MINDY2: variants seen among roughly 807,000 people sequenced by gnomAD.
MINDY2 encodes the protein MINDY lysine 48 deubiquitinase 2.
Under a neutral mutation model 68.2 loss-of-function variants are expected in MINDY2, and 52 were observed. The ratio of observed to expected loss-of-function variants is 0.76; its 90% CI spans 0.61 to 0.96. The LOEUF is 0.96. Among genes scored for constraint, MINDY2 ranks in the 40% least tolerant of loss-of-function variants. The pLI is 0.00. For missense variants in MINDY2, 881 were observed against 773.4 expected, an observed-to-expected ratio of 1.14 and a Z score of -1.65; for synonymous variants, 372 against 303.0, an observed-to-expected ratio of 1.23 and a Z score of -2.36.
At chr15:58,812,233 C>G (rs539052062) in intron 4 of MINDY2, among the ~76,000 whole-genome samples, 47 of 151,482 alleles carry the variant, frequency 3.1e-4, no homozygotes, top group Non-Finnish European at 5.3e-4. Context: ...GTCAGGAGTT[C>G]GAGATCAGTC....
At position 58,861,774 on chromosome 15, in the gene MINDY2, C is replaced by T. The variant is rs1482496655; in HGVS notation, c.*7164C>T. 6.6e-6 allele frequency: 1 copy of T among 152,104 alleles called. No individual in the cohort carries two copies. The highest frequency in any genetic ancestry group is 2.1e-4 in the South Asian group (1 of 4,822). The allele number at this position is 152,104 out of a possible 1,614,324, so 9.4% of individuals were successfully genotyped here. Reference sequence around the variant, plus strand: ...TGTTATTGTACCACAAAGATAGTGTCATTGTTGGGTTAAAATGTTGGCTGT... The same window carrying T: ...TGTTATTGTACCACAAAGATAGTGTTATTGTTGGGTTAAAATGTTGGCTGT... On this transcript the variant is annotated 3_prime_UTR_variant, in exon 9 of 9. Coordinates refer to ENST00000559228, the MANE Select transcript of MINDY2 (RefSeq NM_001040450.3).
chr15:58,786,487 A>G (rs1901510034), intron 1 of MINDY2, among the ~76,000 whole-genome samples: 1 of 152,240 alleles, frequency 6.6e-6, no homozygotes, highest in South Asian at 2.1e-4. Context: ...TTGACAACGC[A>G]TTTGAACAAT....
intron 1 of MINDY2, among the ~76,000 whole-genome samples, chr15:58,774,164 TC>T (rs1432335877): frequency 6.6e-6 from 1 of 152,168 alleles, no homozygotes; most frequent in Non-Finnish European, 1.5e-5. Flanking sequence ...GTGTTTGGGT[TC>T]CCACTGTGCG....
chr15:58,810,378 T>C lies in MINDY2; in HGVS notation c.1112T>C (p.Val371Ala). Residue 371 changes from valine (V) to alanine (A), a missense_variant, in exon 4 of 9, where the codon GTA becomes GCA. Physicochemically the swap from Val to Ala is moderately conservative, Grantham distance 64. Transcript: ENST00000559228. The stretch of plus-strand genomic sequence containing the variant: ...ATTCCTTTGTACCATGGGTGGTTAG[T>C]AGACCCTCAGGTAAGTCGAAGAATT... ...LDIPLYHGWL[V>A]DPQIDDIVKA... 1.9e-6 allele frequency: 3 copies of C among 1,587,056 alleles called. No homozygotes were observed. Among genetic ancestry groups the C allele is most frequent in the Admixed American group, 1.8e-5 (1 of 55,158 alleles).
intron 2 of MINDY2, among the ~76,000 whole-genome samples, chr15:58,798,424 C>T (rs1902426133): frequency 6.6e-6 from 1 of 150,380 alleles, no homozygotes; most frequent in Non-Finnish European, 1.5e-5. Context: ...CACACCCAGA[C>T]CTTTTCTTGC....
At chr15:58,783,271 A>G (rs1476258185) in intron 1 of MINDY2, among the ~76,000 whole-genome samples, 1 of 151,856 alleles carries the variant, frequency 6.6e-6, no homozygotes, top group Non-Finnish European at 1.5e-5. Context: ...TCAATTTTAT[A>G]TTTTCTCAAA....
chr15:58,791,286 C>T (rs1244812279), intron 2 of MINDY2, among the ~76,000 whole-genome samples: 1 of 135,216 alleles, frequency 7.4e-6, no homozygotes, highest in Admixed American at 8.2e-5. Flanking sequence ...TCTGGATCAG[C>T]ACTTTCAATT....
intron 3 of MINDY2, among the ~76,000 whole-genome samples, chr15:58,808,162 A>G (rs1308065269): frequency 6.6e-6 from 1 of 151,876 alleles, no homozygotes; most frequent in East Asian, 1.9e-4. Context: ...AGCTTCCCCC[A>G]CTGTCAACAT....
intron 1 of MINDY2, among the ~76,000 whole-genome samples, chr15:58,773,909 A>C (rs1317906465): frequency 1.3e-5 from 2 of 152,176 alleles, no homozygotes; most frequent in African/African-American, 4.8e-5. Context: ...ATAAGGTTGA[A>C]AAGGTGAACA....
chr15:58,796,046 C>A (rs555169852), intron 2 of MINDY2: 35 of 454,516 alleles, frequency 7.7e-5, no homozygotes, highest in South Asian at 5.3e-4. Context: ...CAAACCGTGT[C>A]ACTGCAGTGA....
At chr15:58,782,540 T>G (rs1280503782) in intron 1 of MINDY2, among the ~76,000 whole-genome samples, 1 of 152,214 alleles carries the variant, frequency 6.6e-6, no homozygotes, top group African/African-American at 2.4e-5. Flanking sequence ...TTTTCAGAGT[T>G]TCCTGAGCCT....
At chr15:58,843,538 G>A (rs1468018886) in intron 6 of MINDY2, among the ~76,000 whole-genome samples, 1 of 152,050 alleles carries the variant, frequency 6.6e-6, no homozygotes, top group East Asian at 1.9e-4. Context: ...AAAAGAACAC[G>A]GAATGAAAAC....
chr15:58,836,465 C>A (rs1404171660), intron 6 of MINDY2, among the ~76,000 whole-genome samples: 2 of 152,076 alleles, frequency 1.3e-5, no homozygotes, highest in African/African-American at 4.8e-5. Context: ...TTGTGTTCTT[C>A]AGGGATCCTA....
intron 1 of MINDY2, among the ~76,000 whole-genome samples, chr15:58,779,530 GT>G (rs1429087561): frequency 6.6e-6 from 1 of 152,140 alleles, no homozygotes; most frequent in Non-Finnish European, 1.5e-5. Context: ...CTCTTTTGAG[GT>G]TTTCCAAGTG....
chr15:58,855,609 T>G lies in MINDY2; in HGVS notation c.*999T>G, dbSNP rs1479629458. 1 of 152,634 alleles carries G rather than the reference T, an allele frequency of 6.6e-6. No individual in the cohort carries two copies. Among genetic ancestry groups the G allele is most frequent in the Non-Finnish European group, 1.5e-5 (1 of 68,038 alleles). The allele number at this position is 152,634 out of a possible 1,614,324, so 9.5% of individuals were successfully genotyped here. On this transcript the variant is annotated 3_prime_UTR_variant, in exon 9 of 9. Coordinates refer to ENST00000559228, the MANE Select transcript of MINDY2 (RefSeq NM_001040450.3). ...GAAGTTAGAGATAATCTCTGTGTCTTATAAAAAGACATTAATAAAAATCTG... is the reference window on the plus strand; with the variant it reads ...GAAGTTAGAGATAATCTCTGTGTCTGATAAAAAGACATTAATAAAAATCTG...
intron 3 of MINDY2, among the ~76,000 whole-genome samples, chr15:58,807,546 G>T (rs537336809): frequency 1.3e-5 from 2 of 151,874 alleles, no homozygotes; most frequent in African/African-American, 2.4e-5. Flanking sequence ...GTATTTTTTA[G>T]TAGAGACGGG....
chr15:58,779,301 C>T (rs1351872946), intron 1 of MINDY2, among the ~76,000 whole-genome samples: 2 of 152,196 alleles, frequency 1.3e-5, no homozygotes, highest in Admixed American at 6.5e-5. Context: ...TTCGAATGGA[C>T]GTATGCTATT....
Position 58,802,378 on chromosome 15 carries a change from G to A in MINDY2, c.963+1G>A. On this transcript the variant is annotated splice_donor_variant, in intron 3 of 8. Coordinates refer to ENST00000559228, the MANE Select transcript of MINDY2 (RefSeq NM_001040450.3). LOFTEE classifies it high-confidence loss of function. ...AATTCAACGTTTAAATTATGAACAG[G>A]TAATAAACAGTTTTTGTTAAAGTAT... 6.4e-7 allele frequency: 1 copy of A among 1,560,842 alleles called. No individual in the cohort carries two copies.
chr15:58,840,451 C>T (rs1044565537), intron 6 of MINDY2, among the ~76,000 whole-genome samples: 4 of 152,004 alleles, frequency 2.6e-5, no homozygotes, highest in African/African-American at 7.2e-5. Context: ...ATAACATCCT[C>T]CATGAACCCT....
Sources: gnomAD v4.1 joint callset for allele counts (sites outside exome capture counted in the v4.1 genomes callset) on GRCh38, gnomAD v4.1.1 for gene constraint, MANE v1.5 for transcripts, NCBI Gene and HGNC (gene_info 2026-07-23, HGNC 2026-07-21) for gene names.